Variants in TRIM41 observed in about 807,000 individuals in gnomAD.
TRIM41 encodes the protein tripartite motif containing 41.
TRIM41 carries 21 observed loss-of-function variants against 60.6 expected under a neutral mutation model. The observed-to-expected ratio is 0.35, with a 90% CI of 0.25 to 0.50. The LOEUF (loss-of-function observed/expected upper bound fraction) is 0.50. Ranked by LOEUF, TRIM41 falls within the 20% of genes least tolerant of loss-of-function variation. TRIM41 has a pLI of 0.98. For synonymous variants in TRIM41, 407 were observed against 344.9 expected (o/e 1.18, Z -2.00); for missense variants, 846 against 868.3 (o/e 0.97, Z 0.32).
intron 1 of TRIM41, chr5:181,225,556 C>T (rs1758511061): frequency 6.6e-6 from 1 of 152,536 alleles, no homozygotes; most frequent in Non-Finnish European, 1.5e-5. Flanking sequence ...GTTTTCCATT[C>T]CCATTTTATA....
rs766492450 is a variant in TRIM41, at chr5:181,224,825, C to G, written c.813+13C>G. The G allele has an allele frequency of 3.7e-6, 6 of 1,613,894 alleles. No individual in the cohort carries two copies. Among genetic ancestry groups the G allele is most frequent in the Non-Finnish European group, 5.1e-6 (6 of 1,180,000 alleles). ...GCAGGAGTACAAGGTGAGAGAAGTACAGAGAGAAGATGGGAGTTTAGTGGG... is the reference window on the plus strand; with the variant it reads ...GCAGGAGTACAAGGTGAGAGAAGTAGAGAGAGAAGATGGGAGTTTAGTGGG... On this transcript the variant is annotated intron_variant, in intron 1 of 5. Transcript: ENST00000315073.
At position 181,224,019 on chromosome 5, in the gene TRIM41, C is replaced by T. The variant is rs767541869; in HGVS notation, c.20C>T (p.Thr7Ile). The stretch of plus-strand genomic sequence containing the variant: ...ACTAAGATGGCTGCCGTTGCCATGA[C>T]ACCCAACCCTGTGCAGACCCTTCAG... MAAVAMTPNPVQTLQEE... is the reference protein window; with the variant it reads MAAVAMIPNPVQTLQEE... The change falls in exon 1 of 6, where the codon ACA becomes ATA. Residue 7 changes from threonine (T) to isoleucine (I), a missense_variant. Thr to Ile is a moderately conservative substitution (Grantham distance 89). Coordinates refer to ENST00000315073, the MANE Select transcript of TRIM41 (RefSeq NM_033549.5). 2.5e-6 allele frequency: 4 copies of T among 1,613,716 alleles called. No individual in the cohort carries two copies. The highest frequency in any genetic ancestry group is 3.4e-6 in the Non-Finnish European group (4 of 1,179,754).
In TRIM41 at chr5:181,234,425, C is replaced by T. The variant is rs373065583; in HGVS notation, c.1543C>T (p.Pro515Ser). 2 of 1,592,936 alleles carry T rather than the reference C, an allele frequency of 1.3e-6. No homozygotes were observed. The highest frequency in any genetic ancestry group is 1.7e-6 in the Non-Finnish European group (2 of 1,170,242). Residue 515 changes from proline to serine, a missense_variant, in exon 6 of 6, where the codon CCT becomes TCT. By Grantham distance (74) the Pro-to-Ser change is moderately conservative. Coordinates refer to ENST00000315073, the MANE Select transcript of TRIM41 (RefSeq NM_033549.5). The surrounding 1 kb of genome is among the most constrained non-coding windows in gnomAD (Gnocchi z 5.6). ...AACCCATCATAAGGAAAAGGTGGGCCCTGGGGGTTCCTCCGTGGGCAGCGG... is the reference window on the plus strand; with the variant it reads ...AACCCATCATAAGGAAAAGGTGGGCTCTGGGGGTTCCTCCGTGGGCAGCGG... ...ESTHHKEKVGPGGSSVGSGDA... is the reference protein window; with the variant it reads ...ESTHHKEKVGSGGSSVGSGDA...
chr5:181,235,325 C>T lies in TRIM41; in HGVS notation c.*550C>T, dbSNP rs769403687. The T allele has an allele frequency of 1.9e-6, 3 of 1,614,200 alleles. No homozygotes were observed. Among genetic ancestry groups the T allele is most frequent in the South Asian group, 1.1e-5 (1 of 91,084 alleles). ...CTGGGGAGGAGGGATTCTAAACTTT[C>T]CTTCCGTCCTCAATTTCTACCTCCA... On this transcript the variant is annotated 3_prime_UTR_variant, in exon 6 of 6. Coordinates refer to ENST00000315073, the MANE Select transcript of TRIM41 (RefSeq NM_033549.5).
At position 181,233,594 on chromosome 5, in the gene TRIM41, G is replaced by A. The variant is rs548060268; in HGVS notation, c.1164-42G>A. 28 of 1,611,992 alleles carry A rather than the reference G, an allele frequency of 1.7e-5. No homozygotes were observed. The African/African-American group carries it at 3.2e-4, about 18-fold the overall frequency. ...CCTCAGCTTTTGCTTTTCCCTCTGG[G>A]AATATCGTGGTCCCACCCCCTGCCC... On this transcript the variant is annotated intron_variant, in intron 4 of 5. Transcript: ENST00000315073. This position sits in a 1 kb window ranked among gnomAD's most constrained non-coding sequence, Gnocchi z 4.1.
Position 181,235,534 on chromosome 5 carries a change from C to A in TRIM41, c.*759C>A. ...CCACCCCACACCCCTCCCAGGTCTG[C>A]TCACTGCCAGGCTCCTCTCCCCTTT... On this transcript the variant is annotated 3_prime_UTR_variant, in exon 6 of 6. Transcript: ENST00000315073. 1 of 1,147,506 alleles carries A rather than the reference C, an allele frequency of 8.7e-7. No homozygotes were observed. Among genetic ancestry groups the A allele is most frequent in the Non-Finnish European group, 1.2e-6 (1 of 801,106 alleles). The allele number at this position is 1,147,506 out of a possible 1,614,324, so 71.1% of individuals were successfully genotyped here. A position where few individuals can be genotyped will look rare whatever the true frequency, so the allele number is the denominator to read the frequency against.
chr5:181,226,008 G>C (rs1181850041), intron 1 of TRIM41: 1 of 152,082 alleles, frequency 6.6e-6, no homozygotes, highest in Non-Finnish European at 1.5e-5. Context: ...CCCAATTTTA[G>C]AGTAATGTGT....
chr5:181,234,487 C>T lies in TRIM41; in HGVS notation c.1605C>T (p.Arg535=), dbSNP rs756062815. Residue 535 remains arginine, a synonymous_variant, in exon 6 of 6, where the codon CGC becomes CGT. Transcript: ENST00000315073. The surrounding 1 kb of genome is among the most constrained non-coding windows in gnomAD (Gnocchi z 5.6). The part of the protein sequence containing the change: ...ASSSRHHHRR[R]RLHLPQQPLL... ...CCTCGCGCCATCACCATCGCCGCCG[C>T]CGGCTCCACCTGCCCCAGCAGCCCC... The T allele has an allele frequency of 8.1e-6, 13 of 1,613,686 alleles. 1 individual carries two copies. In the Admixed American group the frequency reaches 1.7e-4, roughly 21 times the overall value.
rs773613652 is a variant in TRIM41 at position 181,224,135 on chromosome 5, C to T, written c.136C>T (p.Gln46Ter). Reference protein sequence around the residue: ...GHNFCRVCVTQLWGGEDEEDR... With the variant: ...GHNFCRVCVT ...CAACTTCTGCCGAGTTTGTGTAACCCAGTTGTGGGGTGGGGAGGATGAGGA... is the reference window on the plus strand; with the variant it reads ...CAACTTCTGCCGAGTTTGTGTAACCTAGTTGTGGGGTGGGGAGGATGAGGA... The change falls in exon 1 of 6, where the codon CAG (glutamine) becomes TAG (stop). Residue 46 changes from glutamine (Q) to a stop codon, truncating the protein, a stop_gained. Transcript: ENST00000315073. LOFTEE classifies it high-confidence loss of function. 1.2e-6 allele frequency: 2 copies of T among 1,614,168 alleles called. No homozygotes were observed. The highest frequency in any genetic ancestry group is 8.5e-7 in the Non-Finnish European group (1 of 1,180,040).
intron 1 of TRIM41, chr5:181,229,461 G>T (rs1758698262): frequency 6.6e-6 from 1 of 152,222 alleles, no homozygotes; most frequent in African/African-American, 2.4e-5. Flanking sequence ...AGAGCAAATA[G>T]GTAGGGCTTA....
chr5:181,231,373 TG>T lies in TRIM41; in HGVS notation c.909+535del, dbSNP rs781212207. The T allele has an allele frequency of 2.4e-3, 367 of 152,478 alleles. 4 individuals carry two copies. Among genetic ancestry groups the T allele is most frequent in the African/African-American group, 8.7e-3 (356 of 40,830 alleles). 9.4% of individuals were successfully genotyped at this position (152,478 alleles called of 1,614,324 possible). ...ACCCCGACCCCCCCGCTTTTTTTGTTGTTTTTTTCCATTATTGCTCGCCCTT... is the reference window on the plus strand; with the variant it reads ...ACCCCGACCCCCCCGCTTTTTTTGTTTTTTTTTCCATTATTGCTCGCCCTT... On this transcript the variant is annotated intron_variant, in intron 2 of 5. Transcript: ENST00000315073.
rs908966655 is a variant in TRIM41, at chr5:181,224,847, T to C, written c.813+35T>C. On this transcript the variant is annotated intron_variant, in intron 1 of 5. Coordinates refer to ENST00000315073, the MANE Select transcript of TRIM41 (RefSeq NM_033549.5). ...GTACAGAGAGAAGATGGGAGTTTAG[T>C]GGGGGGATGGAGAGGAAGTAAGGGG... 40 of 1,613,296 alleles carry C rather than the reference T, an allele frequency of 2.5e-5. No homozygotes were observed. In the Admixed American group the frequency reaches 6.2e-4, roughly 25 times the overall value.
At position 181,223,468 on chromosome 5, in the gene TRIM41, C is replaced by T. The variant is rs1758376905; in HGVS notation, c.-532C>T. Reference sequence around the variant, plus strand: ...GTTCCTCTGTTCTTTCTGCGTTCCCCGCGGCCTCTTACCACAGAGACGCGG... The same window carrying T: ...GTTCCTCTGTTCTTTCTGCGTTCCCTGCGGCCTCTTACCACAGAGACGCGG... On this transcript the variant is annotated 5_prime_UTR_variant, in exon 1 of 6. Coordinates refer to ENST00000315073, the MANE Select transcript of TRIM41 (RefSeq NM_033549.5). The T allele has an allele frequency of 2.5e-6, 1 of 401,668 alleles. No individual in the cohort carries two copies. The highest frequency in any genetic ancestry group is 4.4e-6 in the Non-Finnish European group (1 of 227,882). 24.9% of individuals were successfully genotyped at this position (401,668 alleles called of 1,614,324 possible).
Position 181,234,500 on chromosome 5 carries a change from C to G in TRIM41, c.1618C>G (p.Pro540Ala). 1 of 1,613,914 alleles carries G rather than the reference C, an allele frequency of 6.2e-7. No homozygotes were observed. The highest frequency in any genetic ancestry group is 2.2e-5 in the East Asian group (1 of 44,886). Residue 540 changes from proline to alanine, a missense_variant, in exon 6 of 6, where the codon CCC becomes GCC. Pro to Ala is a conservative substitution (Grantham distance 27). Coordinates refer to ENST00000315073, the MANE Select transcript of TRIM41 (RefSeq NM_033549.5). The surrounding 1 kb of genome is among the most constrained non-coding windows in gnomAD (Gnocchi z 5.6). ...HHHRRRRLHL[P>A]QQPLLQREVW... ...CCATCGCCGCCGCCGGCTCCACCTG[C>G]CCCAGCAGCCCCTGCTCCAGCGGGA...
chr5:181,234,403 C>A lies in TRIM41; in HGVS notation c.1521C>A (p.Thr507=). 1 of 1,563,062 alleles carries A rather than the reference C, an allele frequency of 6.4e-7. No homozygotes were observed. Among genetic ancestry groups the A allele is most frequent in the East Asian group, 2.4e-5 (1 of 41,484 alleles). Reference sequence around the variant, plus strand: ...CGGTGGGTGCTGCCCGTGAATCAACCCATCATAAGGAAAAGGTGGGCCCTG... The same window carrying A: ...CGGTGGGTGCTGCCCGTGAATCAACACATCATAAGGAAAAGGTGGGCCCTG... ...GWAVGAARES[T]HHKEKVGPGG... The change falls in exon 6 of 6, where the codon ACC becomes ACA. Residue 507 remains threonine, a synonymous_variant. Coordinates refer to ENST00000315073, the MANE Select transcript of TRIM41 (RefSeq NM_033549.5). This position sits in a 1 kb window ranked among gnomAD's most constrained non-coding sequence, Gnocchi z 5.6.
intron 1 of TRIM41, chr5:181,225,093 A>C: frequency 2.0e-6 from 1 of 510,382 alleles, no homozygotes; most frequent in East Asian, 3.5e-5. Context: ...GCTTTACCAG[A>C]AGTCTCGTTT....
At position 181,224,368 on chromosome 5, in the gene TRIM41, G is replaced by A. The variant is rs1482822679; in HGVS notation, c.369G>A (p.Val123=). 2.5e-6 allele frequency: 4 copies of A among 1,613,038 alleles called. No individual in the cohort carries two copies. The highest frequency in any genetic ancestry group is 3.4e-6 in the Non-Finnish European group (4 of 1,179,172). ...SRSSWDNMDY[V]WEEEDEEEDL... is the part of the protein sequence containing the mutation. ...CCAGCTGGGACAACATGGACTATGT[G>A]TGGGAGGAGGAGGACGAGGAGGAAG... Residue 123 remains valine, a synonymous_variant, in exon 1 of 6, where the codon GTG becomes GTA. Transcript: ENST00000315073.
chr5:181,234,838 C>T lies in TRIM41; in HGVS notation c.*63C>T, dbSNP rs1002061319. Reference sequence around the variant, plus strand: ...TGGGGGGTGGGTGGTGGAGGGTGGCCCGTAAGTTTGAGGGCTCAAAGGCTC... The same window carrying T: ...TGGGGGGTGGGTGGTGGAGGGTGGCTCGTAAGTTTGAGGGCTCAAAGGCTC... On this transcript the variant is annotated 3_prime_UTR_variant, in exon 6 of 6. Coordinates refer to ENST00000315073, the MANE Select transcript of TRIM41 (RefSeq NM_033549.5). The surrounding 1 kb of genome is among the most constrained non-coding windows in gnomAD (Gnocchi z 5.6). 1 of 1,606,990 alleles carries T rather than the reference C, an allele frequency of 6.2e-7. No homozygotes were observed. Among genetic ancestry groups the T allele is most frequent in the Non-Finnish European group, 8.5e-7 (1 of 1,176,854 alleles).
rs1758365392 is a variant in TRIM41, at chr5:181,223,307, C to T, written c.-693C>T. 1 of 399,152 alleles carries T rather than the reference C, an allele frequency of 2.5e-6. No individual in the cohort carries two copies. Among genetic ancestry groups the T allele is most frequent in the Non-Finnish European group, 4.4e-6 (1 of 226,446 alleles). The allele number at this position is 399,152 out of a possible 1,614,324, so 24.7% of individuals were successfully genotyped here. A position where few individuals can be genotyped will look rare whatever the true frequency, so the allele number is the denominator to read the frequency against. Reference sequence around the variant, plus strand: ...CTTCCGGCATCGGCTGTGGGGAGTACCGGCTGCAGTCGGCTGTGCCGGGAG... The same window carrying T: ...CTTCCGGCATCGGCTGTGGGGAGTATCGGCTGCAGTCGGCTGTGCCGGGAG... On this transcript the variant is annotated 5_prime_UTR_variant, in exon 1 of 6. Transcript: ENST00000315073.
Sources: gnomAD v4.1 joint callset for allele counts on GRCh38, gnomAD v4.1.1 for gene constraint, Gnocchi (gnomAD v3.1) non-coding constraint, MANE v1.5 for transcripts, NCBI Gene and HGNC (gene_info 2026-07-23, HGNC 2026-07-21) for gene names.